DPYD: variants seen among roughly 807,000 people sequenced by gnomAD.
DPYD encodes dihydropyrimidine dehydrogenase [NADP(+)].
In DPYD, 109 loss-of-function variants were observed where a neutral mutation model predicts 116.2. That is an observed-to-expected ratio of 0.94 (90% CI 0.80 to 1.10). DPYD has a LOEUF of 1.10. DPYD is among the 50% of genes least tolerant of loss of function. The pLI is 0.00. For synonymous variants in DPYD, 440 were observed against 432.0 expected (o/e 1.02, Z -0.23); for missense variants, 1,302 against 1,254.5 (o/e 1.04, Z -0.57).
At chr1:97,873,107 G>A (rs754165892) in intron 2 of DPYD, among the ~76,000 whole-genome samples, 8 of 151,854 alleles carry the variant, frequency 5.3e-5, no homozygotes, top group Non-Finnish European at 8.8e-5. Context: ...AAACTTGATC[G>A]TGAAATGAGG....
At chr1:97,672,638 G>A (rs922481943) in intron 8 of DPYD, among the ~76,000 whole-genome samples, 1 of 152,164 alleles carries the variant, frequency 6.6e-6, no homozygotes, top group Non-Finnish European at 1.5e-5. Context: ...TCTGGGGACA[G>A]AAGTAAAGCA....
chr1:97,770,137 T>A (rs1666065468), intron 3 of DPYD, among the ~76,000 whole-genome samples: 1 of 152,224 alleles, frequency 6.6e-6, no homozygotes, highest in Non-Finnish European at 1.5e-5. Context: ...CATCCACAAC[T>A]AAACTGCAAC....
intron 16 of DPYD, among the ~76,000 whole-genome samples, chr1:97,357,117 A>C (rs984430968): frequency 2.7e-5 from 4 of 149,848 alleles, no homozygotes; most frequent in African/African-American, 9.9e-5. Context: ...AGATAATATG[A>C]ACATTTTAAC....
chr1:97,271,078 C>A (rs957578355), intron 18 of DPYD, among the ~76,000 whole-genome samples: 1 of 152,100 alleles, frequency 6.6e-6, no homozygotes, highest in Non-Finnish European at 1.5e-5. Context: ...CTAAAGAATT[C>A]ATAGAGAAGG....
chr1:97,821,752 T>C (rs1668952277), intron 3 of DPYD, among the ~76,000 whole-genome samples: 1 of 152,198 alleles, frequency 6.6e-6, no homozygotes. Context: ...AATTCCATTA[T>C]TTATACATTA....
In DPYD at chr1:97,771,968, T is replaced by C. The variant is rs372985077; in HGVS notation, c.234-31489A>G. Among the ~76,000 whole-genome samples the C allele has an allele frequency of 2.0e-4, 30 of 152,298 alleles. No homozygotes were observed. The East Asian group carries it at 4.6e-3, about 23-fold the overall frequency. On this transcript the variant is annotated intron_variant, in intron 3 of 22. Transcript: ENST00000370192. ...ATTTCTTAATAAAAGGAAAAGGCTATAAAATTTAGTAAGTAGAAAAATAAG... is the reference window on the plus strand; with the variant it reads ...ATTTCTTAATAAAAGGAAAAGGCTACAAAATTTAGTAAGTAGAAAAATAAG...
intron 13 of DPYD, among the ~76,000 whole-genome samples, chr1:97,453,456 T>C (rs1171923766): frequency 6.6e-6 from 1 of 151,990 alleles, no homozygotes; most frequent in African/African-American, 2.4e-5. Context: ...TCATAGAATA[T>C]AAAAGACACA....
chr1:97,526,273 T>A (rs1401270994), intron 12 of DPYD, among the ~76,000 whole-genome samples: 4 of 152,136 alleles, frequency 2.6e-5, no homozygotes, highest in Non-Finnish European at 5.9e-5. Flanking sequence ...AAGAAGATTT[T>A]TCGTGCTTTG....
chr1:97,574,785 T>A (rs968250844), intron 10 of DPYD, among the ~76,000 whole-genome samples: 3 of 152,154 alleles, frequency 2.0e-5, no homozygotes, highest in Non-Finnish European at 4.4e-5. Flanking sequence ...GTTCTTTTTT[T>A]AAAAAATGCA....
At chr1:97,086,145 C>T (rs1649496118) in intron 21 of DPYD, among the ~76,000 whole-genome samples, 1 of 152,134 alleles carries the variant, frequency 6.6e-6, no homozygotes, top group African/African-American at 2.4e-5. Context: ...GCTCTGCCTC[C>T]TGGGTTCAAG....
chr1:97,573,192 T>C (rs1408749586), intron 11 of DPYD, among the ~76,000 whole-genome samples: 1 of 152,104 alleles, frequency 6.6e-6, no homozygotes, highest in Non-Finnish European at 1.5e-5. Flanking sequence ...TCAGTTGAAA[T>C]GTTATATAAA....
Position 97,606,207 on chromosome 1 carries a change from G to A in DPYD, c.851-11041C>T, listed in dbSNP as rs561925518. Among the ~76,000 whole-genome samples the A allele has an allele frequency of 2.0e-5, 3 of 152,128 alleles. No homozygotes were observed. In the East Asian group the frequency reaches 5.8e-4, roughly 29 times the overall value. ...AACCACTTATTCATTAATATTTACT[G>A]AATGCCTACTACGTGCTAAACACCA... On this transcript the variant is annotated intron_variant, in intron 8 of 22. Transcript: ENST00000370192.
chr1:97,250,330 T>C (rs1039968797), intron 18 of DPYD, among the ~76,000 whole-genome samples: 1 of 152,030 alleles, frequency 6.6e-6, no homozygotes, highest in Non-Finnish European at 1.5e-5. Flanking sequence ...GATAATTGTT[T>C]GACAGTTTCT....
In DPYD at chr1:97,823,642, T is replaced by C. The variant is rs537154959; in HGVS notation, c.233+4472A>G. Among the ~76,000 whole-genome samples, 145 of 152,254 alleles carry C rather than the reference T, an allele frequency of 9.5e-4. 1 individual carries two copies. Among genetic ancestry groups the C allele is most frequent in the African/African-American group, 3.4e-3 (140 of 41,556 alleles). On this transcript the variant is annotated intron_variant, in intron 3 of 22. Coordinates refer to ENST00000370192, the MANE Select transcript of DPYD (RefSeq NM_000110.4). Reference sequence around the variant, plus strand: ...TCACTTAACATTAACATTTTCTAGGTTGATCCATTTTCTTGCAAATGACGG... The same window carrying C: ...TCACTTAACATTAACATTTTCTAGGCTGATCCATTTTCTTGCAAATGACGG...
chr1:97,322,277 G>A (rs547740156), intron 16 of DPYD, among the ~76,000 whole-genome samples: 2 of 150,514 alleles, frequency 1.3e-5, no homozygotes, highest in South Asian at 2.1e-4. Flanking sequence ...ATTAGGAAGG[G>A]AAAAAAAAAT....
At chr1:97,764,708 T>C (rs1398531320) in intron 3 of DPYD, among the ~76,000 whole-genome samples, 2 of 152,108 alleles carry the variant, frequency 1.3e-5, no homozygotes, top group Admixed American at 6.6e-5. Context: ...TACTTTATTA[T>C]GATCTGAAAT....
chr1:97,527,998 A>C (rs1649282833), intron 12 of DPYD, among the ~76,000 whole-genome samples: 1 of 152,152 alleles, frequency 6.6e-6, no homozygotes, highest in Non-Finnish European at 1.5e-5. Context: ...CAGCTGCTAT[A>C]GAAACATCCA....
At chr1:97,236,188 A>G (rs1204915020) in intron 18 of DPYD, among the ~76,000 whole-genome samples, 2 of 152,152 alleles carry the variant, frequency 1.3e-5, no homozygotes, top group Non-Finnish European at 2.9e-5. Flanking sequence ...AGGCAGTTCA[A>G]CTTATGCAAG....
intron 14 of DPYD, among the ~76,000 whole-genome samples, chr1:97,449,318 G>T (rs1401749850): frequency 6.6e-6 from 1 of 151,732 alleles, no homozygotes; most frequent in African/African-American, 2.4e-5. Context: ...GAAAGAAAGA[G>T]AAATAAGTTG....
Sources: gnomAD v4.1 joint callset for allele counts (sites outside exome capture counted in the v4.1 genomes callset) on GRCh38, gnomAD v4.1.1 for gene constraint, MANE v1.5 for transcripts, NCBI Gene and HGNC (gene_info 2026-07-23, HGNC 2026-07-21) for gene names.